PPP1R42: variants seen among roughly 807,000 people sequenced by gnomAD.
PPP1R42 encodes leucine rich repeat containing 67.
Under a neutral mutation model 31.0 loss-of-function variants are expected in PPP1R42, and 34 were observed. That is an observed-to-expected ratio of 1.10 (90% CI 0.83 to 1.46). The LOEUF (loss-of-function observed/expected upper bound fraction) is 1.46. PPP1R42 is among the 40% of genes most tolerant of loss of function. The pLI is 0.00. For synonymous variants in PPP1R42, 103 were observed against 109.8 expected (o/e 0.94, Z 0.39); for missense variants, 268 against 303.0 (o/e 0.88, Z 0.86).
At chr8:66,992,133 C>T (rs1380593454) in intron 5 of PPP1R42, among the ~76,000 whole-genome samples, 1 of 152,270 alleles carries the variant, frequency 6.6e-6, no homozygotes, top group East Asian at 1.9e-4. Context: ...CCCTGGTCAC[C>T]ACTCCATGGC....
At chr8:67,003,982 C>G (rs1001162846) in intron 5 of PPP1R42, among the ~76,000 whole-genome samples, 1 of 151,548 alleles carries the variant, frequency 6.6e-6, no homozygotes, top group East Asian at 1.9e-4. Context: ...CCCAGCTACT[C>G]GGGAGGCTGA....
chr8:67,018,396 G>A (rs1456187093), intron 1 of PPP1R42, among the ~76,000 whole-genome samples: 1 of 152,016 alleles, frequency 6.6e-6, no homozygotes, highest in Non-Finnish European at 1.5e-5. Flanking sequence ...GAGATTACAG[G>A]CGTGAGCCAC....
chr8:66,984,357 A>G, intron 6 of PPP1R42: 1 of 1,297,290 alleles, frequency 7.7e-7, no homozygotes, highest in Non-Finnish European at 1.1e-6. Flanking sequence ...CCTTTGTGTT[A>G]GATGTCTGTT....
intron 5 of PPP1R42, among the ~76,000 whole-genome samples, chr8:67,004,865 G>T (rs1385952076): frequency 6.6e-6 from 1 of 152,174 alleles, no homozygotes; most frequent in Non-Finnish European, 1.5e-5. Context: ...CTGTCTCACT[G>T]TGGGGCAACT....
chr8:66,985,769 G>T (rs1814990152), intron 6 of PPP1R42: 1 of 1,244,390 alleles, frequency 8.0e-7, no homozygotes, highest in Non-Finnish European at 1.2e-6. Flanking sequence ...TTCCTCTCCT[G>T]GATTTGCCAT....
intron 6 of PPP1R42, chr8:66,988,052 A>G: frequency 5.6e-6 from 4 of 719,396 alleles, no homozygotes; most frequent in Non-Finnish European, 6.8e-6. Context: ...CTACAGAACC[A>G]AGAGCTAAGG....
intron 5 of PPP1R42, among the ~76,000 whole-genome samples, chr8:66,990,180 A>G (rs773670080): frequency 1.3e-5 from 2 of 152,202 alleles, no homozygotes; most frequent in African/African-American, 4.8e-5. Context: ...TGAGAGTTAC[A>G]TTGTATTTCT....
intron 7 of PPP1R42, among the ~76,000 whole-genome samples, chr8:66,976,233 A>G (rs1814668054): frequency 6.6e-6 from 1 of 152,018 alleles, no homozygotes; most frequent in Non-Finnish European, 1.5e-5. Flanking sequence ...CCCAGATAGG[A>G]TCATCTAGTT....
chr8:66,976,949 G>C (rs182623321), intron 7 of PPP1R42, among the ~76,000 whole-genome samples: 170 of 151,602 alleles, frequency 1.1e-3, no homozygotes, highest in African/African-American at 3.8e-3. Flanking sequence ...TCATATGGTA[G>C]TTCTTCTTCT....
intron 5 of PPP1R42, among the ~76,000 whole-genome samples, chr8:66,989,758 T>A (rs1300428913): frequency 6.6e-6 from 1 of 152,248 alleles, no homozygotes; most frequent in Non-Finnish European, 1.5e-5. Context: ...GACATTGTTT[T>A]TTTAAAAATA....
chr8:66,977,594 C>T (rs1023861961), intron 7 of PPP1R42, among the ~76,000 whole-genome samples: 1 of 152,144 alleles, frequency 6.6e-6, no homozygotes, highest in Non-Finnish European at 1.5e-5. Context: ...CAGCCTCCGC[C>T]TTCCAGGTTC....
chr8:67,002,580 G>A (rs1057479235), intron 5 of PPP1R42, among the ~76,000 whole-genome samples: 6 of 152,098 alleles, frequency 3.9e-5, no homozygotes, highest in African/African-American at 7.2e-5. Flanking sequence ...GGATTTTCCC[G>A]TTTGGGTTTT....
intron 7 of PPP1R42, among the ~76,000 whole-genome samples, chr8:66,977,270 T>G (rs1814703961): frequency 6.6e-6 from 1 of 151,598 alleles, no homozygotes. Context: ...TCCTGATCTA[T>G]GATCCAACTG....
At chr8:67,004,253 G>GATA (rs1815603571) in intron 5 of PPP1R42, among the ~76,000 whole-genome samples, 3 of 152,242 alleles carry the variant, frequency 2.0e-5, no homozygotes, top group Non-Finnish European at 4.4e-5. Flanking sequence ...TATCTTGGAA[G>GATA]CAGAGAGCAG....
intron 1 of PPP1R42, among the ~76,000 whole-genome samples, chr8:67,020,373 G>C (rs1816176977): frequency 6.6e-6 from 1 of 152,052 alleles, no homozygotes; most frequent in Non-Finnish European, 1.5e-5. Context: ...GCTAATTTTT[G>C]TATTTTTAGT....
intron 5 of PPP1R42, among the ~76,000 whole-genome samples, chr8:66,990,704 G>C (rs1815164732): frequency 6.6e-6 from 1 of 152,112 alleles, no homozygotes; most frequent in South Asian, 2.1e-4. Context: ...ACCTGTATTT[G>C]ACCAGCATAC....
At chr8:67,003,861 C>T (rs1397509523) in intron 5 of PPP1R42, among the ~76,000 whole-genome samples, 2 of 152,124 alleles carry the variant, frequency 1.3e-5, no homozygotes, top group East Asian at 1.9e-4. Flanking sequence ...GAAGCCAAGG[C>T]GGGTGGATCA....
At chr8:66,974,921 G>T (rs1814629540) in intron 7 of PPP1R42, among the ~76,000 whole-genome samples, 1 of 152,102 alleles carries the variant, frequency 6.6e-6, no homozygotes, top group Non-Finnish European at 1.5e-5. Flanking sequence ...AAGAAATGTG[G>T]TGCCTTCAGC....
At chr8:67,015,398 A>G (rs1371822512) in intron 2 of PPP1R42, among the ~76,000 whole-genome samples, 1 of 152,204 alleles carries the variant, frequency 6.6e-6, no homozygotes, top group Admixed American at 6.5e-5. Flanking sequence ...TTGTTTCTTC[A>G]GCAATATCTA....
Sources: allele counts gnomAD v4.1 joint callset (sites outside exome capture counted in the v4.1 genomes callset), GRCh38; gene constraint gnomAD v4.1.1; transcripts MANE v1.5; gene names NCBI Gene and HGNC (gene_info 2026-07-23, HGNC 2026-07-21).